The following PLCB1 variants were observed in gnomAD, a reference collection of about 807,000 sequenced individuals.
PLCB1 encodes the protein phospholipase C beta 1, also known as 1-phosphatidylinositol 4,5-bisphosphate phosphodiesterase beta-1.
Under a neutral mutation model 161.8 loss-of-function variants are expected in PLCB1, and 46 were observed. The observed-to-expected ratio is 0.28, with a 90% CI of 0.22 to 0.36. PLCB1 has a LOEUF of 0.36. PLCB1 is among the 10% of genes least tolerant of loss of function. The pLI, the probability that PLCB1 is intolerant of heterozygous loss-of-function variation, is 1.00. For synonymous variants in PLCB1, 517 were observed against 503.7 expected (o/e 1.03, Z -0.35); for missense variants, 1,016 against 1,472.5 (o/e 0.69, Z 5.07).
chr20:8,420,770 T>G (rs1040354451), intron 3 of PLCB1, among the ~76,000 whole-genome samples: 3 of 152,190 alleles, frequency 2.0e-5, no homozygotes, highest in African/African-American at 7.2e-5. Flanking sequence ...TCAATGCACT[T>G]AAGTAGCTAA....
intron 2 of PLCB1, among the ~76,000 whole-genome samples, chr20:8,368,536 AAAAAAAAAAAAAAAG>A (rs1442680295): frequency 1.3e-5 from 2 of 150,942 alleles, no homozygotes; most frequent in African/African-American, 4.9e-5. Context: ...CTCAAAAAAA[AAAAAAAAAAAAAAAG>A]AAAAAGAAAA....
chr20:8,650,076 G>C (rs1989271903), intron 7 of PLCB1: 2 of 151,938 alleles, frequency 1.3e-5, no homozygotes, highest in Non-Finnish European at 2.9e-5. Flanking sequence ...ACCTAATCAG[G>C]TAATATTTTT....
rs144665173 is a variant in PLCB1, at chr20:8,517,909, C to T, written c.247-110385C>T. Among the ~76,000 whole-genome samples the T allele has an allele frequency of 6.0e-3, 917 of 152,246 alleles. 13 individuals carry two copies. Among genetic ancestry groups the T allele is most frequent in the African/African-American group, 0.021 (886 of 41,534 alleles). On this transcript the variant is annotated intron_variant, in intron 3 of 31. Coordinates refer to ENST00000338037, the MANE Select transcript of PLCB1 (RefSeq NM_015192.4). ...TTAAAAGTTTATCTTCCTGGCTAGG[C>T]GTGGTGGCTCACACCTGTAATCCTA... is the stretch of plus-strand genomic sequence containing the variant.
chr20:8,461,715 G>C (rs920255144), intron 3 of PLCB1, among the ~76,000 whole-genome samples: 1 of 152,128 alleles, frequency 6.6e-6, no homozygotes, highest in Non-Finnish European at 1.5e-5. Flanking sequence ...CTCATGTGGA[G>C]AAAGTAGTTT....
intron 3 of PLCB1, among the ~76,000 whole-genome samples, chr20:8,500,386 AT>A (rs1244604147): frequency 6.6e-6 from 1 of 152,218 alleles, no homozygotes; most frequent in South Asian, 2.1e-4. Flanking sequence ...ATATACAGAT[AT>A]TTCAGATAAT....
rs6118138 is a variant in PLCB1, at chr20:8,255,631, C to T, written c.177+105260C>T. Among the ~76,000 whole-genome samples the T allele has an allele frequency of 2.6e-3, 400 of 151,982 alleles. 1 individual carries two copies. The highest frequency in any genetic ancestry group is 4.5e-3 in the Non-Finnish European group (305 of 67,938). ...GCATTATTGAAGACAACCAGTTAGC[C>T]AGTTCAAGTCAACACATTTATTAAG... On this transcript the variant is annotated intron_variant, in intron 2 of 31. Coordinates refer to ENST00000338037, the MANE Select transcript of PLCB1 (RefSeq NM_015192.4).
chr20:8,179,904 G>C, intron 2 of PLCB1, among the ~76,000 whole-genome samples: 1 of 124,416 alleles, frequency 8.0e-6, no homozygotes. Context: ...TGTCGCCCAG[G>C]CTGGAGTGCA....
At chr20:8,215,828 A>G (rs985426554) in intron 2 of PLCB1, among the ~76,000 whole-genome samples, 6 of 151,934 alleles carry the variant, frequency 3.9e-5, no homozygotes, top group Non-Finnish European at 8.8e-5. Context: ...ACAATCTGCC[A>G]TAATTTAAGT....
At chr20:8,568,056 A>G (rs1206189721) in intron 3 of PLCB1, among the ~76,000 whole-genome samples, 1 of 152,142 alleles carries the variant, frequency 6.6e-6, no homozygotes, top group Non-Finnish European at 1.5e-5. Context: ...TTTTTCTTTA[A>G]AAGAAGAATT....
At chr20:8,536,528 A>C (rs1322942212) in intron 3 of PLCB1, among the ~76,000 whole-genome samples, 2 of 152,144 alleles carry the variant, frequency 1.3e-5, no homozygotes, top group Admixed American at 1.3e-4. Context: ...GGGGCCTCTC[A>C]AACAGTTGCA....
At chr20:8,477,164 T>C (rs1483600876) in intron 3 of PLCB1, among the ~76,000 whole-genome samples, 2 of 152,118 alleles carry the variant, frequency 1.3e-5, no homozygotes, top group East Asian at 3.9e-4. Context: ...TTATGAGCCA[T>C]ACAGAATCGC....
intron 2 of PLCB1, among the ~76,000 whole-genome samples, chr20:8,265,162 C>T (rs1282316382): frequency 6.6e-6 from 1 of 152,142 alleles, no homozygotes; most frequent in Non-Finnish European, 1.5e-5. Flanking sequence ...CCAATTACAC[C>T]AGTCATTAGC....
chr20:8,355,029 C>G (rs1023974267), intron 2 of PLCB1, among the ~76,000 whole-genome samples: 6 of 152,156 alleles, frequency 3.9e-5, no homozygotes, highest in African/African-American at 1.4e-4. Flanking sequence ...GTATTAGAGT[C>G]TACAGTCATG....
chr20:8,163,230 T>C (rs1428637475), intron 2 of PLCB1, among the ~76,000 whole-genome samples: 3 of 152,172 alleles, frequency 2.0e-5, no homozygotes, highest in Admixed American at 2.0e-4. Flanking sequence ...CTCCGTCCCA[T>C]TGGAGAGCCC....
chr20:8,660,428 C>A (rs1434901430), intron 9 of PLCB1, among the ~76,000 whole-genome samples: 1 of 152,010 alleles, frequency 6.6e-6, no homozygotes, highest in East Asian at 1.9e-4. Context: ...ATCAGTTAGC[C>A]CACGACACTA....
At chr20:8,257,201 G>A (rs1981468918) in intron 2 of PLCB1, among the ~76,000 whole-genome samples, 1 of 152,076 alleles carries the variant, frequency 6.6e-6, no homozygotes, top group African/African-American at 2.4e-5. Context: ...AGGCTAACAT[G>A]TCATTTACAG....
At chr20:8,230,056 C>CAAAAAAAAAAAAAA (rs547874616) in intron 2 of PLCB1, among the ~76,000 whole-genome samples, 1 of 58,868 alleles carries the variant, frequency 1.7e-5, no homozygotes, top group Non-Finnish European at 3.7e-5. Flanking sequence ...GACTTGGCAG[C>CAAAAAAAAAAAAAA]AAAAAAAAAA....
chr20:8,483,259 A>G lies in PLCB1; in HGVS notation c.246+111809A>G, dbSNP rs116500281. On this transcript the variant is annotated intron_variant, in intron 3 of 31. Coordinates refer to ENST00000338037, the MANE Select transcript of PLCB1 (RefSeq NM_015192.4). ...AACAATGGTGCAATGTGCCCTCTAGAGAAGACCCTTCCTAAGTGTGATTGA... is the reference window on the plus strand; with the variant it reads ...AACAATGGTGCAATGTGCCCTCTAGGGAAGACCCTTCCTAAGTGTGATTGA... Among the ~76,000 whole-genome samples the G allele has an allele frequency of 9.6e-3, 1,463 of 152,306 alleles. 25 individuals are homozygous for G. Among genetic ancestry groups the G allele is most frequent in the African/African-American group, 0.033 (1,364 of 41,560 alleles).
At chr20:8,639,052 T>A (rs1988860021) in intron 4 of PLCB1, among the ~76,000 whole-genome samples, 1 of 152,040 alleles carries the variant, frequency 6.6e-6, no homozygotes, top group Non-Finnish European at 1.5e-5. Context: ...GCATTGTGGG[T>A]GGTAAGAGAA....
Sources: allele counts gnomAD v4.1 joint callset (sites outside exome capture counted in the v4.1 genomes callset), GRCh38; gene constraint gnomAD v4.1.1; transcripts MANE v1.5; gene names NCBI Gene and HGNC (gene_info 2026-07-23, HGNC 2026-07-21).